Variants in IGF2R observed in about 807,000 individuals in gnomAD.
The protein encoded by IGF2R is insulin like growth factor 2 receptor.
A neutral mutation model predicts 270.6 loss-of-function variants in IGF2R; 91 were observed. The observed-to-expected ratio is 0.34, with a 90% CI of 0.28 to 0.40. The LOEUF (loss-of-function observed/expected upper bound fraction) is 0.40, where lower values mean the gene tolerates loss of function less well. Among genes scored for constraint, IGF2R ranks in the 10% least tolerant of loss-of-function variants. The pLI is 1.00. For synonymous variants in IGF2R, 1,316 were observed against 1,258.9 expected, an observed-to-expected ratio of 1.05 and a Z score of -0.96; for missense variants, 2,805 against 3,188.3, an observed-to-expected ratio of 0.88 and a Z score of 2.90.
intron 10 of IGF2R, among the ~76,000 whole-genome samples, chr6:160,036,011 G>A (rs1211577925): frequency 2.6e-5 from 4 of 152,162 alleles, no homozygotes; most frequent in African/African-American, 9.7e-5. Context: ...ATGGACCAGG[G>A]GAACTGCGAG....
At chr6:159,990,470 G>T (rs1365252143) in intron 1 of IGF2R, among the ~76,000 whole-genome samples, 4 of 152,190 alleles carry the variant, frequency 2.6e-5, no homozygotes, top group African/African-American at 7.2e-5. Context: ...TGTCACGATT[G>T]TAAGTTTCTT....
chr6:160,011,519 G>A (rs1255793567), intron 4 of IGF2R, among the ~76,000 whole-genome samples: 2 of 148,518 alleles, frequency 1.3e-5, no homozygotes, highest in African/African-American at 5.0e-5. Context: ...GCTACATTGA[G>A]CTAATTACAT....
chr6:160,098,346 A>G (rs545013265), intron 45 of IGF2R, among the ~76,000 whole-genome samples: 1 of 152,170 alleles, frequency 6.6e-6, no homozygotes, highest in Admixed American at 6.5e-5. Flanking sequence ...GAGCTGTTTA[A>G]ATCCCTTAAC....
intron 1 of IGF2R, among the ~76,000 whole-genome samples, chr6:159,986,485 C>G (rs1461358635): frequency 6.7e-6 from 1 of 148,948 alleles, no homozygotes. Context: ...CCAGGCTGGT[C>G]TCGAACTCCT....
intron 11 of IGF2R, among the ~76,000 whole-genome samples, chr6:160,041,734 G>A (rs757597423): frequency 7.9e-5 from 12 of 152,212 alleles, no homozygotes; most frequent in Non-Finnish European, 1.6e-4. Context: ...ACTGTGAACC[G>A]CCTGGGCAGG....
chr6:160,005,667 G>A (rs898685519), intron 2 of IGF2R: 2 of 153,032 alleles, frequency 1.3e-5, no homozygotes, highest in African/African-American at 4.8e-5. Flanking sequence ...ACGAGGTTGG[G>A]GGCTTGGCTT....
chr6:160,034,159 G>GA (rs1432808210), intron 9 of IGF2R, among the ~76,000 whole-genome samples: 6 of 152,226 alleles, frequency 3.9e-5, no homozygotes, highest in Non-Finnish European at 8.8e-5. Flanking sequence ...GAGAACAAGA[G>GA]AAGTCTTCAT....
chr6:159,998,365 T>C lies in IGF2R; in HGVS notation c.289+7042T>C, dbSNP rs991596729. 6.6e-6 allele frequency among the ~76,000 whole-genome samples: 1 copy of C among 152,238 alleles called. No individual in the cohort carries two copies. Among genetic ancestry groups the C allele is most frequent in the Non-Finnish European group, 1.5e-5 (1 of 68,034 alleles). On this transcript the variant is annotated intron_variant, in intron 2 of 47. Coordinates refer to ENST00000356956, the MANE Select transcript of IGF2R (RefSeq NM_000876.4). This position sits in a 1 kb window ranked among gnomAD's most constrained non-coding sequence, Gnocchi z 4.1. ...GGATAATTTGTGAGCTTGGCCTCAC[T>C]GGACAAAGTTTGAGTTTGACCAAGT... is the stretch of plus-strand genomic sequence containing the variant.
intron 45 of IGF2R, among the ~76,000 whole-genome samples, chr6:160,098,480 A>T (rs1209173803): frequency 6.6e-6 from 1 of 152,124 alleles, no homozygotes; most frequent in Non-Finnish European, 1.5e-5. Flanking sequence ...ATAGTGCCTG[A>T]GATTTTTTTT....
intron 1 of IGF2R, among the ~76,000 whole-genome samples, chr6:159,977,685 G>A (rs767434388): frequency 6.6e-6 from 1 of 152,210 alleles, no homozygotes; most frequent in Non-Finnish European, 1.5e-5. Context: ...TCATTAGGGA[G>A]TTAGTTTTGG....
intron 7 of IGF2R, among the ~76,000 whole-genome samples, chr6:160,030,578 A>G (rs1777673095): frequency 6.6e-6 from 1 of 152,186 alleles, no homozygotes; most frequent in African/African-American, 2.4e-5. Context: ...ATATTTATTC[A>G]CACTTTTCAT....
intron 31 of IGF2R, among the ~76,000 whole-genome samples, chr6:160,071,283 G>GT (rs1178934466): frequency 2.6e-5 from 3 of 116,094 alleles, no homozygotes; most frequent in African/African-American, 1.1e-4. Context: ...GGAGGGAAGG[G>GT]TGGGGGTGTG....
chr6:160,058,858 A>G (rs1778368230), intron 21 of IGF2R, 48 bp from the exon 22 acceptor site: 2 of 1,520,986 alleles, frequency 1.3e-6, no homozygotes, highest in Non-Finnish European at 1.8e-6. Flanking sequence ...CTGTGGTGAG[A>G]TACGAGGCAT....
chr6:160,061,490 T>C lies in IGF2R; in HGVS notation c.3263-13T>C, dbSNP rs747949813. 6.2e-6 allele frequency: 10 copies of C among 1,612,670 alleles called. No homozygotes were observed. In the East Asian group the frequency reaches 2.0e-4, roughly 32 times the overall value. On this transcript the variant is annotated splice_polypyrimidine_tract_variant and intron_variant, in intron 23 of 47. Coordinates refer to ENST00000356956, the MANE Select transcript of IGF2R (RefSeq NM_000876.4). ...GGCAGAGTTCTCCAGCGTGGTTTTT[T>C]GTTGTGTTTCAGACCTGGCTGGAAA... is the stretch of plus-strand genomic sequence containing the variant.
chr6:160,089,165 G>T lies in IGF2R; in HGVS notation c.6379G>T (p.Val2127Leu). The change falls in exon 43 of 48, where the codon GTG (valine) becomes TTG (leucine). Residue 2127 changes from valine to leucine, a missense_variant. Around this residue, in one of 2 missense-constraint regions of IGF2R, gnomAD observed 1,851 missense variants for 2,207.2 expected, o/e 0.84. Coordinates refer to ENST00000356956, the MANE Select transcript of IGF2R (RefSeq NM_000876.4). ...FSWDSRAACA[V>L]KPQEVQMVNG... ...CTGGGACTCCCGGGCTGCCTGCGCC[G>T]TGAAGCCTCAGGAGGTGCAGATGGT... 6.2e-7 allele frequency: 1 copy of T among 1,613,902 alleles called. No homozygotes were observed. Among genetic ancestry groups the T allele is most frequent in the Non-Finnish European group, 8.5e-7 (1 of 1,179,814 alleles).
At position 160,073,241 on chromosome 6, in the gene IGF2R, C is replaced by T. The variant is rs1370666670; in HGVS notation, c.4719C>T (p.Ser1573=). ...CCTGCTTTGGACAGACCAGGATTAG[C>T]GTGGGCAAGGCCAACAAGAGGCTGA... ...VGACFGQTRI[S]VGKANKRLRY... Residue 1573 remains serine, a synonymous_variant, in exon 34 of 48, where the codon AGC becomes AGT. Transcript: ENST00000356956. The T allele has an allele frequency of 5.6e-6, 9 of 1,614,124 alleles. No individual in the cohort carries two copies. Among genetic ancestry groups the T allele is most frequent in the Admixed American group, 1.7e-5 (1 of 60,006 alleles).
chr6:160,012,764 T>TATATATATATATATATATATATATA (rs538085462), intron 4 of IGF2R, among the ~76,000 whole-genome samples: 12 of 60,420 alleles, frequency 2.0e-4, no homozygotes, highest in Non-Finnish European at 3.6e-4. Context: ...TATATATATA[T>TATATATATATATATATATATATATA]TTTTTTTTTT....
chr6:160,047,169 A>G lies in IGF2R; in HGVS notation c.2062A>G (p.Thr688Ala). Residue 688 changes from threonine to alanine, a missense_variant, in exon 16 of 48, where the codon ACT becomes GCT. Physicochemically the swap from Thr to Ala is moderately conservative, Grantham distance 58. Around this residue, in one of 2 missense-constraint regions of IGF2R, gnomAD observed 954 missense variants for 981.1 expected, o/e 0.97. Coordinates refer to ENST00000356956, the MANE Select transcript of IGF2R (RefSeq NM_000876.4). ...ACQVAKSDEK[T>A]WNLGLSNAKL... ...GTGTGTTTATTTCAGTGATGAGAAG[A>G]CTTGGAACTTGGGTCTGAGTAATGC... The G allele has an allele frequency of 6.2e-7, 1 of 1,613,984 alleles. No individual in the cohort carries two copies. Among genetic ancestry groups the G allele is most frequent in the Admixed American group, 1.7e-5 (1 of 60,016 alleles).
intron 32 of IGF2R, among the ~76,000 whole-genome samples, chr6:160,072,280 G>A (rs112574977): frequency 6.6e-6 from 1 of 152,258 alleles, no homozygotes; most frequent in Non-Finnish European, 1.5e-5. Context: ...CACTCTCCTG[G>A]TGTGAGAGGT....
Sources: gnomAD v4.1 joint callset for allele counts (sites outside exome capture counted in the v4.1 genomes callset) on GRCh38, gnomAD v4.1.1 for gene constraint, gnomAD v4.1.1 regional missense constraint, Gnocchi (gnomAD v3.1) non-coding constraint, MANE v1.5 for transcripts, NCBI Gene and HGNC (gene_info 2026-07-23, HGNC 2026-07-21) for gene names.